GRAMD4: variants seen among roughly 807,000 people sequenced by gnomAD.
GRAMD4 encodes the protein GRAM domain-containing protein 4.
GRAMD4 carries 25 observed loss-of-function variants against 83.9 expected under a neutral mutation model. The observed-to-expected ratio is 0.30, with a 90% CI of 0.22 to 0.42. The LOEUF is 0.42. GRAMD4 is among the 10% of genes least tolerant of loss of function. The pLI, the probability that GRAMD4 is intolerant of heterozygous loss-of-function variation, is 1.00. For synonymous variants in GRAMD4, 336 were observed against 320.9 expected (o/e 1.05, Z -0.50); for missense variants, 593 against 788.7 (o/e 0.75, Z 2.97).
At chr22:46,640,480 G>A (rs933304267) in intron 3 of GRAMD4, among the ~76,000 whole-genome samples, 8 of 152,126 alleles carry the variant, frequency 5.3e-5, no homozygotes, top group African/African-American at 1.4e-4. Context: ...AGCAGATCCC[G>A]GAGGAAATGA....
rs977027848 is a variant in GRAMD4 at position 46,677,860 on chromosome 22, A to C, written c.*609A>C. On this transcript the variant is annotated 3_prime_UTR_variant, in exon 19 of 19. Transcript: ENST00000406902. ...CGCAGTGACCCTGCCTGCGCTCCAC[A>C]CTCGCTCCACGGGAACAGAGAGGGT... 1 of 985,022 alleles carries C rather than the reference A, an allele frequency of 1.0e-6. No individual in the cohort carries two copies. Among genetic ancestry groups the C allele is most frequent in the Non-Finnish European group, 1.2e-6 (1 of 829,870 alleles). The allele number at this position is 985,022 out of a possible 1,614,324, so 61.0% of individuals were successfully genotyped here. A position where few individuals can be genotyped will look rare whatever the true frequency, so the allele number is the denominator to read the frequency against.
intron 1 of GRAMD4, among the ~76,000 whole-genome samples, chr22:46,626,221 G>T (rs371959532): frequency 6.6e-6 from 1 of 152,234 alleles, no homozygotes; most frequent in Admixed American, 6.5e-5. Context: ...CCTAGCACAC[G>T]CATCTGCTGG....
At chr22:46,588,500 G>A (rs886273440) in intron 1 of GRAMD4, among the ~76,000 whole-genome samples, 2 of 152,220 alleles carry the variant, frequency 1.3e-5, no homozygotes, top group Non-Finnish European at 2.9e-5. Flanking sequence ...CACTACAGAG[G>A]GCAAGAGGGG....
intron 3 of GRAMD4, among the ~76,000 whole-genome samples, chr22:46,654,105 A>G (rs2082206763): frequency 6.8e-6 from 1 of 147,816 alleles, no homozygotes. Context: ...CCCCTTCTGT[A>G]TGCCAGCCAC....
intron 1 of GRAMD4, among the ~76,000 whole-genome samples, chr22:46,584,495 A>G (rs1602290098): frequency 6.6e-6 from 1 of 151,946 alleles, no homozygotes; most frequent in Non-Finnish European, 1.5e-5. Flanking sequence ...TTGCAGATCA[A>G]TTCGTGTCTA....
chr22:46,680,573 T>TCCAC (rs1601700319), downstream of GRAMD4, among the ~76,000 whole-genome samples: 29 of 29,230 alleles, frequency 9.9e-4, no homozygotes, highest in Non-Finnish European at 1.7e-3. Context: ...CGTCCATCCA[T>TCCAC]CCATCCATCC....
chr22:46,611,014 AG>A (rs2081411604), intron 1 of GRAMD4, among the ~76,000 whole-genome samples: 1 of 152,084 alleles, frequency 6.6e-6, no homozygotes, highest in South Asian at 2.1e-4. Context: ...CAGCAGTTCG[AG>A]ACCAGCCTGG....
At chr22:46,671,340 C>A (rs190947620) in intron 13 of GRAMD4, among the ~76,000 whole-genome samples, 1 of 152,128 alleles carries the variant, frequency 6.6e-6, no homozygotes, top group African/African-American at 2.4e-5. Context: ...GTCAGGAGTT[C>A]GAGACCAGCC....
At chr22:46,673,865 G>A in intron 15 of GRAMD4, 51 bp downstream of exon 15, 2 of 1,595,812 alleles carry the variant, frequency 1.3e-6, no homozygotes, top group Non-Finnish European at 1.7e-6. Context: ...ACAGACTGAA[G>A]GCCCGTGAGG....
chr22:46,676,909 C>T (rs1011680676), intron 18 of GRAMD4, among the ~76,000 whole-genome samples: 1 of 152,244 alleles, frequency 6.6e-6, no homozygotes, highest in African/African-American at 2.4e-5. Context: ...GGTCCCCTGA[C>T]TCAGTGACTT....
intron 3 of GRAMD4, among the ~76,000 whole-genome samples, chr22:46,640,818 C>T (rs1177532833): frequency 4.7e-5 from 7 of 149,410 alleles, no homozygotes; most frequent in African/African-American, 1.5e-4. Flanking sequence ...AACCCCCTGC[C>T]CCGGCCCCCC....
intron 1 of GRAMD4, among the ~76,000 whole-genome samples, chr22:46,584,046 T>C (rs917088260): frequency 1.3e-5 from 2 of 152,200 alleles, no homozygotes; most frequent in African/African-American, 4.8e-5. Flanking sequence ...TCTAGGTCAA[T>C]GCGGAATGCC....
Position 46,677,446 on chromosome 22 carries a change from G to T in GRAMD4, c.*195G>T. On this transcript the variant is annotated 3_prime_UTR_variant, in exon 19 of 19. Transcript: ENST00000406902. ...GGGGCCAGGGCTCACAGGGACGGGG[G>T]TGCCCCTCTCCCACAGGGCACGTCA... is the stretch of plus-strand genomic sequence containing the variant. The T allele has an allele frequency of 2.2e-6, 3 of 1,350,990 alleles. No homozygotes were observed. The South Asian group carries it at 5.6e-5, about 25-fold the overall frequency. 83.7% of individuals were successfully genotyped at this position (1,350,990 alleles called of 1,614,324 possible).
At position 46,678,572 on chromosome 22, in the gene GRAMD4, T is replaced by C. The variant is rs544242173; in HGVS notation, c.*1321T>C. 7.1e-6 allele frequency: 7 copies of C among 985,390 alleles called. No homozygotes were observed. Among genetic ancestry groups the C allele is most frequent in the Non-Finnish European group, 8.4e-6 (7 of 829,964 alleles). 61.0% of individuals were successfully genotyped at this position (985,390 alleles called of 1,614,324 possible). On this transcript the variant is annotated 3_prime_UTR_variant, in exon 19 of 19. Coordinates refer to ENST00000406902, the MANE Select transcript of GRAMD4 (RefSeq NM_015124.5). ...CCACCCCGCGGGCCTGCGTGTCTGC[T>C]GGGGCGGATCCCGCAGCTCCCTCAG...
At chr22:46,579,701 C>T (rs373086483) in intron 1 of GRAMD4, among the ~76,000 whole-genome samples, 5 of 152,288 alleles carry the variant, frequency 3.3e-5, no homozygotes, top group African/African-American at 1.2e-4. Flanking sequence ...TCCATCTCCC[C>T]ATGTTTCTCT....
At chr22:46,623,119 C>T (rs1013557026) in intron 1 of GRAMD4, among the ~76,000 whole-genome samples, 4 of 152,068 alleles carry the variant, frequency 2.6e-5, no homozygotes, top group African/African-American at 4.8e-5. Flanking sequence ...TTTGCCATAA[C>T]GACAGTCACA....
chr22:46,654,998 C>G (rs2082221348), intron 3 of GRAMD4, among the ~76,000 whole-genome samples: 1 of 152,122 alleles, frequency 6.6e-6, no homozygotes, highest in South Asian at 2.1e-4. Context: ...GAGAAGATGA[C>G]AGAAGGCTAC....
intron 3 of GRAMD4, among the ~76,000 whole-genome samples, chr22:46,644,588 C>T (rs573351268): frequency 8.6e-5 from 13 of 151,670 alleles, no homozygotes; most frequent in South Asian, 8.4e-4. Flanking sequence ...CTCCCTGTCC[C>T]GGGTTACATC....
At chr22:46,587,837 A>G in intron 1 of GRAMD4, 3 of 884,618 alleles carry the variant, frequency 3.4e-6, no homozygotes, top group Non-Finnish European at 4.1e-6. Context: ...GTGGAGAGGA[A>G]GTGAAACAGG....
Sources: allele counts gnomAD v4.1 joint callset (sites outside exome capture counted in the v4.1 genomes callset), GRCh38; gene constraint gnomAD v4.1.1; transcripts MANE v1.5; gene names NCBI Gene and HGNC (gene_info 2026-07-23, HGNC 2026-07-21).